Variants in PRKN observed in about 807,000 individuals in gnomAD.
The protein encoded by PRKN is E3 ubiquitin-protein ligase parkin.
PRKN carries 56 observed loss-of-function variants against 59.5 expected under a neutral mutation model. That is an observed-to-expected ratio of 0.94 (90% CI 0.76 to 1.18). The LOEUF is 1.18. Among genes scored for constraint, PRKN ranks in the 50% most tolerant of loss-of-function variants. The pLI is 0.00. For missense variants in PRKN, 657 were observed against 596.4 expected (o/e 1.10, Z -1.06); for synonymous variants, 250 against 222.1 (o/e 1.13, Z -1.12).
intron 6 of PRKN, among the ~76,000 whole-genome samples, chr6:161,816,112 C>T (rs78693906): frequency 0.03 from 4,532 of 152,222 alleles, 113 homozygotes; most frequent in Middle Eastern, 0.048. Context: ...TGTTCCTCAA[C>T]TGATGAGTGA....
intron 5 of PRKN, 85 bp from the exon 6 acceptor site, chr6:161,973,502 T>C: frequency 2.6e-6 from 2 of 766,660 alleles, no homozygotes; most frequent in Middle Eastern, 2.3e-4. Flanking sequence ...ACAATCTCTT[T>C]GGACAAGAGA....
intron 9 of PRKN, among the ~76,000 whole-genome samples, chr6:161,477,498 G>A (rs1791155423): frequency 9.2e-6 from 1 of 108,152 alleles, no homozygotes; most frequent in Non-Finnish European, 1.8e-5. Context: ...CAACAAGAAT[G>A]AAACTCCATC....
At chr6:162,511,746 C>A (rs1777627514) in intron 1 of PRKN, among the ~76,000 whole-genome samples, 1 of 152,112 alleles carries the variant, frequency 6.6e-6, no homozygotes, top group African/African-American at 2.4e-5. Context: ...AAATTGGCAT[C>A]CCTGCACCTG....
intron 3 of PRKN, among the ~76,000 whole-genome samples, chr6:162,251,196 G>A (rs2128095963): frequency 6.6e-6 from 1 of 152,182 alleles, no homozygotes; most frequent in African/African-American, 2.4e-5. Context: ...CAATCTGAGT[G>A]GCCACAAACG....
chr6:161,781,535 C>A (rs1183639245), intron 7 of PRKN, among the ~76,000 whole-genome samples: 3 of 152,142 alleles, frequency 2.0e-5, no homozygotes, highest in Admixed American at 6.5e-5. Flanking sequence ...CCATATAATG[C>A]ATTTTAACAA....
intron 6 of PRKN, among the ~76,000 whole-genome samples, chr6:161,806,078 A>G (rs1269964996): frequency 6.6e-6 from 1 of 152,190 alleles, no homozygotes; most frequent in Non-Finnish European, 1.5e-5. Context: ...AAGAAATTCC[A>G]TCGTAAATAT....
intron 1 of PRKN, among the ~76,000 whole-genome samples, chr6:162,524,112 A>C (rs1160048047): frequency 6.6e-6 from 1 of 152,190 alleles, no homozygotes; most frequent in Non-Finnish European, 1.5e-5. Context: ...TAAATGAAAA[A>C]CAAATATGCT....
chr6:162,130,193 C>T (rs182244206), intron 4 of PRKN, among the ~76,000 whole-genome samples: 27 of 152,172 alleles, frequency 1.8e-4, no homozygotes, highest in Admixed American at 7.2e-4. Context: ...CCCACAAACA[C>T]CTTTCGAATG....
Position 161,973,307 on chromosome 6 carries a change from G to C in PRKN, c.729C>G (p.Asp243Glu). 6.2e-7 allele frequency: 1 copy of C among 1,603,220 alleles called. No individual in the cohort carries two copies. The highest frequency in any genetic ancestry group is 8.5e-7 in the Non-Finnish European group (1 of 1,170,080). The change falls in exon 6 of 12, where the codon GAC becomes GAG. Residue 243 changes from aspartate to glutamate, a missense_variant. Physicochemically the swap from Asp to Glu is conservative, Grantham distance 45. Coordinates refer to ENST00000366898, the MANE Select transcript of PRKN (RefSeq NM_004562.3). The stretch of plus-strand genomic sequence containing the variant: ...CACTATTTTTAGATCCTTACCTGAC[G>C]TCTGTGCACGTAATGCAAGTGATGT... Reference protein sequence around the residue: ...SRNITCITCTDVRSPVLVFQC... With the variant: ...SRNITCITCTEVRSPVLVFQC...
rs1786220873 is a variant in PRKN, at chr6:161,385,965, A to T, written c.1167+829T>A. ...TGGATAAACTCATCTGCAGAATTCCATATAGGGATACACTTATTCATGCTC... is the reference window on the plus strand; with the variant it reads ...TGGATAAACTCATCTGCAGAATTCCTTATAGGGATACACTTATTCATGCTC... On this transcript the variant is annotated intron_variant, in intron 10 of 11. Coordinates refer to ENST00000366898, the MANE Select transcript of PRKN (RefSeq NM_004562.3). This position sits in a 1 kb window ranked among gnomAD's most constrained non-coding sequence, Gnocchi z 4.9. 6.6e-6 allele frequency among the ~76,000 whole-genome samples: 1 copy of T among 152,216 alleles called. No individual in the cohort carries two copies. Among genetic ancestry groups the T allele is most frequent in the Non-Finnish European group, 1.5e-5 (1 of 68,042 alleles).
At position 161,353,319 on chromosome 6, in the gene PRKN, G is replaced by A. The variant is rs542203912; in HGVS notation, c.1286-3108C>T. Reference sequence around the variant, plus strand: ...CAGAAAGAGTCCTGTCCATCCCCTGGAGGAAGGAATGCTGCACAGGGAGGC... The same window carrying A: ...CAGAAAGAGTCCTGTCCATCCCCTGAAGGAAGGAATGCTGCACAGGGAGGC... On this transcript the variant is annotated intron_variant, in intron 11 of 11. Coordinates refer to ENST00000366898, the MANE Select transcript of PRKN (RefSeq NM_004562.3). This position sits in a 1 kb window ranked among gnomAD's most constrained non-coding sequence, Gnocchi z 4.8. Among the ~76,000 whole-genome samples the A allele has an allele frequency of 3.3e-5, 5 of 152,286 alleles. No individual in the cohort carries two copies. The East Asian group carries it at 9.7e-4, about 29-fold the overall frequency.
Position 161,785,792 on chromosome 6 carries a change from C to A in PRKN, c.851G>T (p.Gly284Val), listed in dbSNP as rs1790389266. ...CTTACCCACACAAGGCAGGGAGTAG[C>A]CAAGTTGAGGGTCGTGAACAAACTG... ...DRQFVHDPQL[G>V]YSLPCVAGCP... Residue 284 changes from glycine to valine, a missense_variant, in exon 7 of 12, where the codon GGC becomes GTC. Coordinates refer to ENST00000366898, the MANE Select transcript of PRKN (RefSeq NM_004562.3). 3 of 1,613,892 alleles carry A rather than the reference C, an allele frequency of 1.9e-6. No homozygotes were observed. The highest frequency in any genetic ancestry group is 2.2e-5 in the South Asian group (2 of 91,036).
chr6:161,424,461 G>C (rs1406760501), intron 9 of PRKN, among the ~76,000 whole-genome samples: 2 of 152,122 alleles, frequency 1.3e-5, no homozygotes, highest in African/African-American at 4.8e-5. Flanking sequence ...CTTTTATGGA[G>C]TGAACTCAGA....
At chr6:162,112,281 G>T (rs1780472633) in intron 4 of PRKN, among the ~76,000 whole-genome samples, 6 of 152,142 alleles carry the variant, frequency 3.9e-5, no homozygotes, top group Admixed American at 3.9e-4. Flanking sequence ...GGAAAATGAT[G>T]TCCCAGTCTA....
intron 1 of PRKN, among the ~76,000 whole-genome samples, chr6:162,469,364 G>GC (rs1583625789): frequency 7.7e-6 from 1 of 129,684 alleles, no homozygotes; most frequent in Non-Finnish European, 1.7e-5. Context: ...GGGGGTGGGT[G>GC]ACAGAGGAAG....
Position 161,818,344 on chromosome 6 carries a change from T to TA in PRKN, c.735-32437dup, listed in dbSNP as rs59841945. Reference sequence around the variant, plus strand: ...CACTTGTTTTAATTTTTTTTTTTTTTAATTTTTAGAGATGGGGTCTCACTC... The same window carrying TA: ...CACTTGTTTTAATTTTTTTTTTTTTTAAATTTTTAGAGATGGGGTCTCACTC... On this transcript the variant is annotated intron_variant, in intron 6 of 11. Coordinates refer to ENST00000366898, the MANE Select transcript of PRKN (RefSeq NM_004562.3). 8.9e-3 allele frequency among the ~76,000 whole-genome samples: 1,292 copies of TA among 144,644 alleles called. 12 individuals are homozygous for TA. Among genetic ancestry groups the TA allele is most frequent in the Non-Finnish European group, 0.012 (804 of 64,954 alleles). 94.9% of individuals were successfully genotyped at this position (144,644 alleles called of 152,430 possible).
chr6:161,965,064 A>AAT (rs1780525874), intron 6 of PRKN, among the ~76,000 whole-genome samples: 1 of 151,756 alleles, frequency 6.6e-6, no homozygotes, highest in Non-Finnish European at 1.5e-5. Context: ...AATGAATGAA[A>AAT]GCATACCAAA....
At position 161,777,740 on chromosome 6, in the gene PRKN, T is replaced by C. The variant is rs949389512; in HGVS notation, c.871+8032A>G. Among the ~76,000 whole-genome samples, 9 of 138,628 alleles carry C rather than the reference T, an allele frequency of 6.5e-5. 1 individual carries two copies. In the South Asian group the frequency reaches 1.4e-3, roughly 21 times the overall value. 90.9% of individuals were successfully genotyped at this position (138,628 alleles called of 152,430 possible). A position where few individuals can be genotyped will look rare whatever the true frequency, so the allele number is the denominator to read the frequency against. ...TTATATACATATATATCTATATATG[T>C]ATATATAGATATATATGTATATGTA... On this transcript the variant is annotated intron_variant, in intron 7 of 11. Coordinates refer to ENST00000366898, the MANE Select transcript of PRKN (RefSeq NM_004562.3).
In PRKN at chr6:161,578,943, T is replaced by C. The variant is rs1345254377; in HGVS notation, c.872-9527A>G. Among the ~76,000 whole-genome samples, 2 of 152,252 alleles carry C rather than the reference T, an allele frequency of 1.3e-5. No homozygotes were observed. Among genetic ancestry groups the C allele is most frequent in the South Asian group, 2.1e-4 (1 of 4,834 alleles). ...TGTTATTGACCTATATTTTGAGTGA[T>C]TGTGATGATACATTTTACAGGGCAA... On this transcript the variant is annotated intron_variant, in intron 7 of 11. Transcript: ENST00000366898. The surrounding 1 kb of genome is among the most constrained non-coding windows in gnomAD (Gnocchi z 4.2).
Sources: gnomAD v4.1 joint callset for allele counts (sites outside exome capture counted in the v4.1 genomes callset) on GRCh38, gnomAD v4.1.1 for gene constraint, Gnocchi (gnomAD v3.1) non-coding constraint, MANE v1.5 for transcripts, NCBI Gene and HGNC (gene_info 2026-07-23, HGNC 2026-07-21) for gene names.